The following LAMA3 variants were observed in gnomAD, a reference collection of about 807,000 sequenced individuals.
The protein encoded by LAMA3 is laminin subunit alpha 3.
LAMA3 carries 281 observed loss-of-function variants against 402.0 expected under a neutral mutation model. The observed-to-expected ratio is 0.70, with a 90% CI of 0.63 to 0.77. The LOEUF (loss-of-function observed/expected upper bound fraction) is 0.77, where lower values mean the gene tolerates loss of function less well. Among genes scored for constraint, LAMA3 ranks in the 30% least tolerant of loss-of-function variants. LAMA3 has a pLI of 0.00. For missense variants in LAMA3, 3,840 were observed against 4,215.5 expected, an observed-to-expected ratio of 0.91 and a Z score of 2.47; for synonymous variants, 1,431 against 1,558.4, an observed-to-expected ratio of 0.92 and a Z score of 1.93.
intron 21 of LAMA3, among the ~76,000 whole-genome samples, chr18:23,825,152 G>A (rs1022948192): frequency 6.6e-6 from 1 of 152,218 alleles, no homozygotes; most frequent in African/African-American, 2.4e-5. Context: ...CCTAAAGCAG[G>A]TTTATTCCCA....
chr18:23,795,714 T>G (rs2062748642), intron 12 of LAMA3, among the ~76,000 whole-genome samples: 1 of 145,402 alleles, frequency 6.9e-6, no homozygotes, highest in African/African-American at 2.7e-5. Context: ...TCTAGGGGCT[T>G]AAAATATATA....
chr18:23,911,893 T>C (rs576282917), intron 55 of LAMA3, among the ~76,000 whole-genome samples: 3 of 146,150 alleles, frequency 2.1e-5, no homozygotes, highest in South Asian at 4.2e-4. Context: ...TTACATACAA[T>C]GTACATATAA....
In LAMA3 at chr18:23,839,382, G is replaced by A. The variant is rs571790177; in HGVS notation, c.3192-403G>A. On this transcript the variant is annotated intron_variant, in intron 26 of 74. Transcript: ENST00000313654. This position sits in a 1 kb window ranked among gnomAD's most constrained non-coding sequence, Gnocchi z 4.5. Reference sequence around the variant, plus strand: ...ACTGTAGGAACTACCAACACAATGTGATTCTGGTTGTGCGTAAAAGAGACG... The same window carrying A: ...ACTGTAGGAACTACCAACACAATGTAATTCTGGTTGTGCGTAAAAGAGACG... 2.0e-5 allele frequency among the ~76,000 whole-genome samples: 3 copies of A among 152,306 alleles called. No individual in the cohort carries two copies. The South Asian group carries it at 6.2e-4, about 32-fold the overall frequency.
chr18:23,821,812 T>C (rs190210473), intron 19 of LAMA3, among the ~76,000 whole-genome samples: 18 of 152,360 alleles, frequency 1.2e-4, no homozygotes, highest in Admixed American at 1.0e-3. Flanking sequence ...ATTTAGACTT[T>C]ATGTATGTGA....
chr18:23,860,375 C>T (rs1228494267), intron 34 of LAMA3, among the ~76,000 whole-genome samples: 1 of 150,346 alleles, frequency 6.7e-6, no homozygotes, highest in Non-Finnish European at 1.5e-5. Flanking sequence ...CTTCCTGCCT[C>T]AGCCTCCTGA....
At position 23,907,905 on chromosome 18, in the gene LAMA3, A is replaced by C; in HGVS notation, c.6985A>C (p.Lys2329Gln). 1 of 1,614,034 alleles carries C rather than the reference A, an allele frequency of 6.2e-7. No individual in the cohort carries two copies. Among genetic ancestry groups the C allele is most frequent in the African/African-American group, 1.3e-5 (1 of 75,036 alleles). ...TYGRTQNEDF[K>Q]KALTDADNSV... ...TGGGAGGACACAGAACGAAGACTTC[A>C]AAAAGGCTCTGACTGATGCAGATAA... The change falls in exon 54 of 75, where the codon AAA (lysine) becomes CAA (glutamine). Residue 2329 changes from lysine to glutamine, a missense_variant. Lys to Gln is a moderately conservative substitution (Grantham distance 53). Coordinates refer to ENST00000313654, the MANE Select transcript of LAMA3 (RefSeq NM_198129.4).
chr18:23,761,697 A>T (rs2061972694), intron 7 of LAMA3, among the ~76,000 whole-genome samples: 1 of 152,156 alleles, frequency 6.6e-6, no homozygotes, highest in Non-Finnish European at 1.5e-5. Flanking sequence ...TGGCATTTGG[A>T]TGTATTTTTT....
At chr18:23,779,810 C>T (rs1568176465) in intron 11 of LAMA3, among the ~76,000 whole-genome samples, 2 of 152,096 alleles carry the variant, frequency 1.3e-5, no homozygotes, top group African/African-American at 4.8e-5. Context: ...CCAAAGGCCC[C>T]CTGGAGGTCA....
chr18:23,921,235 G>A (rs2081825758), intron 61 of LAMA3, among the ~76,000 whole-genome samples, 181 bp downstream of exon 61: 1 of 152,114 alleles, frequency 6.6e-6, no homozygotes. Flanking sequence ...ACATATACAT[G>A]ATATCTATAA....
intron 12 of LAMA3, among the ~76,000 whole-genome samples, chr18:23,799,192 G>T (rs2062823616): frequency 6.6e-6 from 1 of 152,116 alleles, no homozygotes; most frequent in South Asian, 2.1e-4. Context: ...TTTTTTTGGT[G>T]ATCCTTATTT....
chr18:23,907,527 C>T, intron 52 of LAMA3, 23 bp from the exon 53 acceptor site: 17 of 1,522,682 alleles, frequency 1.1e-5, no homozygotes, highest in Non-Finnish European at 1.5e-5. Context: ...GTAATTGCCT[C>T]CTGATGCTTT....
At chr18:23,887,632 G>A (rs753525668) in intron 41 of LAMA3, among the ~76,000 whole-genome samples, 41 of 152,132 alleles carry the variant, frequency 2.7e-4, no homozygotes, top group Non-Finnish European at 3.7e-4. Flanking sequence ...ATCATTCCTG[G>A]CACTAGTGAT....
chr18:23,807,457 A>AGTGT (rs35332291), intron 12 of LAMA3, among the ~76,000 whole-genome samples: 22,912 of 148,996 alleles, frequency 0.15, 2,386 homozygotes, highest in East Asian at 0.52. Flanking sequence ...ATATTGTGTG[A>AGTGT]GTGTGTGTGT....
intron 32 of LAMA3, among the ~76,000 whole-genome samples, chr18:23,856,261 A>C (rs886737870): frequency 6.6e-6 from 1 of 152,232 alleles, no homozygotes; most frequent in Non-Finnish European, 1.5e-5. Context: ...TATTTGCCAA[A>C]GAGAAACTTA....
At position 23,857,923 on chromosome 18, in the gene LAMA3, A is replaced by G. The variant is rs368134659; in HGVS notation, c.4216A>G (p.Asn1406Asp). 2.0e-5 allele frequency: 32 copies of G among 1,614,098 alleles called. No homozygotes were observed. The highest frequency in any genetic ancestry group is 2.6e-5 in the Non-Finnish European group (31 of 1,180,044). ...FYRFPECVPC[N>D]CNRDGTEPGV... ...CCGCTTTCCTGAGTGTGTTCCCTGC[A>G]ATTGCAACAGAGATGGGACTGAGCC... The change falls in exon 33 of 75, where the codon AAT becomes GAT. Residue 1406 changes from asparagine (N) to aspartate (D), a missense_variant. Asn to Asp is a conservative substitution (Grantham distance 23). Around this residue, in one of 3 missense-constraint regions of LAMA3, gnomAD observed 2,109 missense variants for 2,376.0 expected, o/e 0.89. Transcript: ENST00000313654.
intron 7 of LAMA3, among the ~76,000 whole-genome samples, chr18:23,762,668 C>G (rs1417922069): frequency 1.3e-5 from 2 of 151,910 alleles, no homozygotes; most frequent in African/African-American, 4.8e-5. Flanking sequence ...AGTGCTCCTG[C>G]ATTTCAGTGT....
chr18:23,950,311 A>T, intron 72 of LAMA3, 152 bp downstream of exon 72: 2 of 859,302 alleles, frequency 2.3e-6, no homozygotes, highest in South Asian at 3.2e-5. Context: ...TTCCTTTAGC[A>T]AGTAATTTTA....
rs1055049910 is a variant in LAMA3 at position 23,759,148 on chromosome 18, A to G, written c.1063+637A>G. On this transcript the variant is annotated intron_variant, in intron 7 of 74. Coordinates refer to ENST00000313654, the MANE Select transcript of LAMA3 (RefSeq NM_198129.4). ...GAGGCCAGGAGTTGGAAACCAGCCT[A>G]GGCAACATAGTGAGACTCTGTCTAC... is the stretch of plus-strand genomic sequence containing the variant. Among the ~76,000 whole-genome samples, 21 of 151,822 alleles carry G rather than the reference A, an allele frequency of 1.4e-4. 1 individual carries two copies. The highest frequency in any genetic ancestry group is 9.8e-4 in the Admixed American group (15 of 15,248).
At chr18:23,780,646 G>A (rs1461651469) in intron 11 of LAMA3, among the ~76,000 whole-genome samples, 5 of 152,132 alleles carry the variant, frequency 3.3e-5, no homozygotes, top group African/African-American at 1.2e-4. Flanking sequence ...CATCTAAGGG[G>A]CATCACAATC....
Sources: allele counts gnomAD v4.1 joint callset (sites outside exome capture counted in the v4.1 genomes callset), GRCh38; gene constraint gnomAD v4.1.1; regional missense constraint gnomAD v4.1.1; non-coding constraint Gnocchi (gnomAD v3.1); transcripts MANE v1.5; gene names NCBI Gene and HGNC (gene_info 2026-07-23, HGNC 2026-07-21).